The following RXFP1 variants were observed in gnomAD, a reference collection of about 807,000 sequenced individuals.
RXFP1 encodes relaxin family peptide receptor 1.
RXFP1 carries 73 observed loss-of-function variants against 89.8 expected under a neutral mutation model. The ratio of observed to expected loss-of-function variants is 0.81; its 90% CI spans 0.67 to 0.99. The LOEUF is 0.99. Among genes scored for constraint, RXFP1 ranks in the 50% least tolerant of loss-of-function variants. The probability of loss-of-function intolerance (pLI) is 0.00; values close to 1 mark genes in which losing one functional copy is unlikely to be tolerated. For missense variants in RXFP1, 793 were observed against 895.5 expected (o/e 0.89, Z 1.46); for synonymous variants, 277 against 305.5 (o/e 0.91, Z 0.97).
At chr4:158,634,182 T>A (rs953407574) in intron 12 of RXFP1, among the ~76,000 whole-genome samples, 1 of 152,166 alleles carries the variant, frequency 6.6e-6, no homozygotes, top group African/African-American at 2.4e-5. Context: ...TTCCCAACAC[T>A]TGGTATTTTC....
At chr4:158,591,980 C>G (rs573429606) in intron 2 of RXFP1, among the ~76,000 whole-genome samples, 1 of 152,142 alleles carries the variant, frequency 6.6e-6, no homozygotes, top group Non-Finnish European at 1.5e-5. Flanking sequence ...CCCAGAGAAA[C>G]TGCTTCTTCA....
Position 158,652,134 on chromosome 4 carries a change from C to A in RXFP1, c.*79C>A. ...GGATTTACTGGTATGAAATGAATAC[C>A]ACAAAATTAATTTATAATAATAGCT... On this transcript the variant is annotated 3_prime_UTR_variant, in exon 18 of 18. Coordinates refer to ENST00000307765, the MANE Select transcript of RXFP1 (RefSeq NM_021634.4). 1 of 1,156,850 alleles carries A rather than the reference C, an allele frequency of 8.6e-7. No individual in the cohort carries two copies. Among genetic ancestry groups the A allele is most frequent in the Non-Finnish European group, 1.2e-6 (1 of 832,620 alleles). The allele number at this position is 1,156,850 out of a possible 1,614,324, so 71.7% of individuals were successfully genotyped here.
intron 15 of RXFP1, among the ~76,000 whole-genome samples, chr4:158,646,056 C>T (rs1408854022): frequency 2.0e-5 from 3 of 152,130 alleles, no homozygotes; most frequent in Non-Finnish European, 4.4e-5. Flanking sequence ...GTGTAGAATG[C>T]TTGTGCGATC....
At chr4:158,539,382 A>G (rs1376813219) in intron 1 of RXFP1, among the ~76,000 whole-genome samples, 1 of 152,090 alleles carries the variant, frequency 6.6e-6, no homozygotes, top group Non-Finnish European at 1.5e-5. Context: ...CCTAATGTTA[A>G]ATGACGAGTT....
At chr4:158,605,248 C>A in intron 5 of RXFP1, 109 bp downstream of exon 5, 1 of 536,156 alleles carries the variant, frequency 1.9e-6, no homozygotes, top group Non-Finnish European at 3.4e-6. Context: ...TGTGTCTAAT[C>A]CCTATTCAGG....
intron 9 of RXFP1, among the ~76,000 whole-genome samples, chr4:158,620,853 G>T (rs1238222508): frequency 6.6e-6 from 1 of 152,192 alleles, no homozygotes; most frequent in African/African-American, 2.4e-5. Flanking sequence ...GGGCATGGTG[G>T]CTCACACCTA....
chr4:158,544,380 C>T (rs1048293462), intron 1 of RXFP1: 2 of 984,158 alleles, frequency 2.0e-6, no homozygotes, highest in Non-Finnish European at 2.4e-6. Context: ...GGACAGATCA[C>T]CCAGAATGGA....
At chr4:158,650,405 A>G (rs552276787) in intron 17 of RXFP1, among the ~76,000 whole-genome samples, 2 of 149,528 alleles carry the variant, frequency 1.3e-5, no homozygotes, top group East Asian at 3.9e-4. Context: ...CACAATGAAA[A>G]TGCATATATC....
rs141524366 is a variant in RXFP1 at position 158,578,837 on chromosome 4, T to C, written c.187+6002T>C. Among the ~76,000 whole-genome samples the C allele has an allele frequency of 3.3e-3, 506 of 152,104 alleles. 1 individual carries two copies. Among genetic ancestry groups the C allele is most frequent in the African/African-American group, 0.011 (461 of 41,460 alleles). On this transcript the variant is annotated intron_variant, in intron 2 of 17. Transcript: ENST00000307765. ...AGGCCTTTGTCAGTCTGTTTACATATTACCAATTCTATAACCCATAGGGGA... is the reference window on the plus strand; with the variant it reads ...AGGCCTTTGTCAGTCTGTTTACATACTACCAATTCTATAACCCATAGGGGA...
intron 2 of RXFP1, among the ~76,000 whole-genome samples, chr4:158,577,767 A>G (rs1756546963): frequency 6.6e-6 from 1 of 152,168 alleles, no homozygotes; most frequent in African/African-American, 2.4e-5. Context: ...CTGAGTCTCT[A>G]TATTTGAACT....
intron 2 of RXFP1, among the ~76,000 whole-genome samples, chr4:158,578,184 T>G (rs552502138): frequency 6.6e-6 from 1 of 152,358 alleles, no homozygotes; most frequent in South Asian, 2.1e-4. Context: ...TGTATAGATG[T>G]TTCCTGAGTT....
intron 14 of RXFP1, among the ~76,000 whole-genome samples, chr4:158,644,041 C>CTTTTT (rs70962619): frequency 2.3e-4 from 18 of 78,306 alleles, no homozygotes; most frequent in African/African-American, 7.7e-4. Flanking sequence ...TCTATGTCTT[C>CTTTTT]TTTTTTTTTT....
At chr4:158,606,558 G>T (rs1762564472) in intron 5 of RXFP1, among the ~76,000 whole-genome samples, 1 of 151,982 alleles carries the variant, frequency 6.6e-6, no homozygotes, top group Non-Finnish European at 1.5e-5. Context: ...ACATGATTGG[G>T]CCCACAGCAT....
intron 1 of RXFP1, among the ~76,000 whole-genome samples, chr4:158,530,815 T>TTTC (rs1743839871): frequency 6.6e-6 from 1 of 152,216 alleles, no homozygotes; most frequent in Admixed American, 6.5e-5. Context: ...TTTTTCTTTG[T>TTTC]TGATATTTTC....
intron 4 of RXFP1, among the ~76,000 whole-genome samples, chr4:158,603,805 G>A (rs756512093): frequency 3.3e-5 from 5 of 151,232 alleles, no homozygotes; most frequent in Non-Finnish European, 4.4e-5. Flanking sequence ...CAGGAGAATC[G>A]CTTGAACCCA....
At chr4:158,574,899 AC>A (rs896063209) in intron 2 of RXFP1, among the ~76,000 whole-genome samples, 8 of 152,132 alleles carry the variant, frequency 5.3e-5, no homozygotes, top group Non-Finnish European at 1.0e-4. Context: ...TTTAAAAAAA[AC>A]AACGTCTTGT....
intron 3 of RXFP1, among the ~76,000 whole-genome samples, chr4:158,595,986 C>CAA (rs33982853): frequency 6.2e-5 from 7 of 113,052 alleles, no homozygotes; most frequent in Admixed American, 8.9e-5. Context: ...CCAATCTCTC[C>CAA]AAAAAAAAAA....
intron 1 of RXFP1, among the ~76,000 whole-genome samples, chr4:158,558,461 G>A (rs1262597802): frequency 2.0e-5 from 3 of 152,180 alleles, no homozygotes; most frequent in Admixed American, 6.5e-5. Context: ...GGCACATGTG[G>A]TTTGGCATAG....
intron 11 of RXFP1, among the ~76,000 whole-genome samples, chr4:158,631,406 G>C (rs1767997591): frequency 6.6e-6 from 1 of 152,192 alleles, no homozygotes; most frequent in African/African-American, 2.4e-5. Flanking sequence ...GTCCAAAACT[G>C]AGCTAGGCAC....
Sources: allele counts gnomAD v4.1 joint callset (sites outside exome capture counted in the v4.1 genomes callset), GRCh38; gene constraint gnomAD v4.1.1; transcripts MANE v1.5; gene names NCBI Gene and HGNC (gene_info 2026-07-23, HGNC 2026-07-21).